EML5: variants seen among roughly 807,000 people sequenced by gnomAD.
EML5 encodes the protein EMAP like 5, also known as echinoderm microtubule-associated protein-like 5.
Under a neutral mutation model 250.0 loss-of-function variants are expected in EML5, and 120 were observed. The ratio of observed to expected loss-of-function variants is 0.48; its 90% CI spans 0.41 to 0.56. The LOEUF (loss-of-function observed/expected upper bound fraction) is 0.56. Ranked by LOEUF, EML5 falls within the 20% of genes least tolerant of loss-of-function variation. EML5 has a pLI of 0.00. For synonymous variants in EML5, 771 were observed against 806.5 expected (o/e 0.96, Z 0.75); for missense variants, 2,006 against 2,437.6 (o/e 0.82, Z 3.73).
Position 88,614,602 on chromosome 14 carries a change from C to T in EML5, c.*1216G>A, listed in dbSNP as rs977948994. 1 of 152,146 alleles carries T rather than the reference C, an allele frequency of 6.6e-6. No individual in the cohort carries two copies. The highest frequency in any genetic ancestry group is 2.4e-5 in the African/African-American group (1 of 41,426). The allele number at this position is 152,146 out of a possible 1,614,324, so 9.4% of individuals were successfully genotyped here. On this transcript the variant is annotated 3_prime_UTR_variant, in exon 44 of 44. Coordinates refer to ENST00000554922, the MANE Select transcript of EML5 (RefSeq NM_183387.3). ...GGTCAATACAGCATCTTAAACCTCA[C>T]ACTTAGAAAAATATATTTTTAAATA...
rs2093035703 is a variant in EML5, at chr14:88,694,666, C to CATAGGGAATGCTATTTGTGG, written c.2439-279_2439-260dup. 2.0e-5 allele frequency among the ~76,000 whole-genome samples: 3 copies of CATAGGGAATGCTATTTGTGG among 152,120 alleles called. No homozygotes were observed. In the South Asian group the frequency reaches 6.2e-4, roughly 32 times the overall value. ...TATAATACCTACTATAGTACTGTGC[C>CATAGGGAATGCTATTTGTGG]ATAGGGAATGCTATTTGTGGCATGA... On this transcript the variant is annotated intron_variant, in intron 16 of 43. Transcript: ENST00000554922.
intron 4 of EML5, among the ~76,000 whole-genome samples, chr14:88,742,036 T>A (rs1284754682): frequency 1.3e-5 from 2 of 152,154 alleles, no homozygotes; most frequent in Non-Finnish European, 2.9e-5. Context: ...TATTTTCTTC[T>A]AGATCAGTGA....
chr14:88,754,387 C>T (rs1438875975), intron 2 of EML5, 125 bp downstream of exon 2: 5 of 845,366 alleles, frequency 5.9e-6, no homozygotes, highest in African/African-American at 5.3e-5. Flanking sequence ...ACCCCACCTA[C>T]CCACCTCCAC....
intron 12 of EML5, 74 bp from the exon 13 acceptor site, chr14:88,705,052 A>C (rs925042129): frequency 8.4e-6 from 8 of 957,532 alleles, no homozygotes; most frequent in Admixed American, 2.7e-5. Context: ...TCCCAATATA[A>C]CTTTCAGACA....
chr14:88,667,418 G>A (rs2092336719), intron 21 of EML5, among the ~76,000 whole-genome samples: 1 of 152,232 alleles, frequency 6.6e-6, no homozygotes, highest in Admixed American at 6.5e-5. Context: ...TCTCTCTTTA[G>A]GGGTGAGAAC....
At chr14:88,677,592 TAAAC>T (rs1487095401) in intron 21 of EML5, among the ~76,000 whole-genome samples, 1 of 152,098 alleles carries the variant, frequency 6.6e-6, no homozygotes, top group Admixed American at 6.6e-5. Context: ...ACAAGGAACT[TAAAC>T]AAATTCACAA....
chr14:88,705,474 A>G lies in EML5; in HGVS notation c.1932+8T>C, dbSNP rs2093300115. 1.9e-6 allele frequency: 3 copies of G among 1,582,706 alleles called. No homozygotes were observed. The highest frequency in any genetic ancestry group is 2.6e-6 in the Non-Finnish European group (3 of 1,160,164). On this transcript the variant is annotated splice_region_variant and intron_variant, in intron 12 of 43. Transcript: ENST00000554922. The stretch of plus-strand genomic sequence containing the variant: ...TTTAGAGAAAAACCATGTGATATGG[A>G]AAATTACCTGTCGACGGTAGGTGAG...
intron 1 of EML5, among the ~76,000 whole-genome samples, chr14:88,764,699 T>C (rs987697528): frequency 6.6e-6 from 1 of 152,228 alleles, no homozygotes; most frequent in African/African-American, 2.4e-5. Context: ...TTAAAAAATA[T>C]GCATTTTAAT....
chr14:88,712,095 T>C (rs200274572), intron 10 of EML5, among the ~76,000 whole-genome samples, 176 bp downstream of exon 10: 107 of 152,320 alleles, frequency 7.0e-4, no homozygotes, highest in African/African-American at 1.8e-3. Flanking sequence ...TAAAACTTCA[T>C]GACCAAAATA....
chr14:88,653,726 A>T (rs1247920848), intron 27 of EML5, among the ~76,000 whole-genome samples: 1 of 152,148 alleles, frequency 6.6e-6, no homozygotes, highest in Admixed American at 6.5e-5. Flanking sequence ...TTTCACATCG[A>T]TGTTTACCAG....
chr14:88,709,072 A>G lies in EML5; in HGVS notation c.1658-2646T>C, dbSNP rs373275803. On this transcript the variant is annotated intron_variant, in intron 10 of 43. Coordinates refer to ENST00000554922, the MANE Select transcript of EML5 (RefSeq NM_183387.3). ...CACACAAGGGTAATATGATCTAAAT[A>G]TTTTCAATATATGGTATCAATATGA... Among the ~76,000 whole-genome samples, 4 of 152,136 alleles carry G rather than the reference A, an allele frequency of 2.6e-5. No homozygotes were observed. In the South Asian group the frequency reaches 8.3e-4, roughly 32 times the overall value.
intron 27 of EML5, among the ~76,000 whole-genome samples, chr14:88,654,173 T>A (rs929742068): frequency 1.3e-5 from 2 of 152,182 alleles, no homozygotes; most frequent in Non-Finnish European, 2.9e-5. Flanking sequence ...TTTCTCTCTT[T>A]TCTTCTTTAT....
chr14:88,623,060 G>A (rs540769180), intron 36 of EML5: 1 of 154,964 alleles, frequency 6.5e-6, no homozygotes, highest in South Asian at 1.9e-4. Context: ...CTGTCTCCCA[G>A]GCTTGAGTGC....
In EML5 at chr14:88,621,186, G is replaced by C; in HGVS notation, c.5129C>G (p.Thr1710Arg). The change falls in exon 38 of 44, where the codon ACA (threonine) becomes AGA (arginine). Residue 1710 changes from threonine (T) to arginine (R), a missense_variant. Transcript: ENST00000554922. ...AAGGAAAAAATCCCTGGAAGGATGTGTTGCTAGTCCCCAGATTGGCCCATC... is the reference window on the plus strand; with the variant it reads ...AAGGAAAAAATCCCTGGAAGGATGTCTTGCTAGTCCCCAGATTGGCCCATC... The part of the protein sequence containing the change: ...HVDGPIWGLA[T>R]HPSRDFFLSA... The C allele has an allele frequency of 6.2e-7, 1 of 1,613,932 alleles. No homozygotes were observed. Among genetic ancestry groups the C allele is most frequent in the Non-Finnish European group, 8.5e-7 (1 of 1,179,864 alleles).
intron 1 of EML5, among the ~76,000 whole-genome samples, chr14:88,772,918 G>A (rs1031652156): frequency 1.3e-5 from 2 of 152,130 alleles, no homozygotes; most frequent in African/African-American, 4.8e-5. Context: ...AATCTTTGCC[G>A]CATTCATATT....
At position 88,624,985 on chromosome 14, in the gene EML5, C is replaced by T; in HGVS notation, c.4883G>A (p.Gly1628Glu). ...TTLRDGLIVTGGKERPSKEGG... is the reference protein window; with the variant it reads ...TTLRDGLIVTEGKERPSKEGG... Reference sequence around the variant, plus strand: ...GAGGACTCACGGCCTTTCCTTTCCCCCAGTCACGATAAGTCCATCTCGCAG... The same window carrying T: ...GAGGACTCACGGCCTTTCCTTTCCCTCAGTCACGATAAGTCCATCTCGCAG... Residue 1628 changes from glycine (G) to glutamate (E), a missense_variant, in exon 36 of 44, where the codon GGG becomes GAG. By Grantham distance (98) the Gly-to-Glu change is moderately conservative (BLOSUM62 -2). Coordinates refer to ENST00000554922, the MANE Select transcript of EML5 (RefSeq NM_183387.3). 1 of 1,613,414 alleles carries T rather than the reference C, an allele frequency of 6.2e-7. No individual in the cohort carries two copies. Among genetic ancestry groups the T allele is most frequent in the Non-Finnish European group, 8.5e-7 (1 of 1,179,608 alleles).
At chr14:88,720,639 G>A (rs1044154672) in intron 8 of EML5, among the ~76,000 whole-genome samples, 3 of 152,066 alleles carry the variant, frequency 2.0e-5, no homozygotes, top group African/African-American at 7.2e-5. Flanking sequence ...AAAATAATAA[G>A]CTGTTTATGA....
At chr14:88,674,904 C>T (rs61984749) in intron 21 of EML5, among the ~76,000 whole-genome samples, 13,136 of 152,256 alleles carry the variant, frequency 0.086, 690 homozygotes, top group Non-Finnish European at 0.12. Flanking sequence ...CCATTCAAGT[C>T]CAAAATCCAG....
intron 27 of EML5, among the ~76,000 whole-genome samples, chr14:88,655,642 A>G (rs755369400): frequency 2.0e-5 from 3 of 152,204 alleles, no homozygotes; most frequent in Non-Finnish European, 4.4e-5. Flanking sequence ...TAATTAAACT[A>G]AAGAGCTTCT....
Sources: allele counts gnomAD v4.1 joint callset (sites outside exome capture counted in the v4.1 genomes callset), GRCh38; gene constraint gnomAD v4.1.1; transcripts MANE v1.5; gene names NCBI Gene and HGNC (gene_info 2026-07-23, HGNC 2026-07-21).